Variants in FBXL13 observed in about 807,000 individuals in gnomAD.
FBXL13 encodes the protein F-box and leucine rich repeat protein 13, also known as F-box and leucine-rich repeat protein 13.
Under a neutral mutation model 83.6 loss-of-function variants are expected in FBXL13, and 67 were observed. The ratio of observed to expected loss-of-function variants is 0.80; its 90% CI spans 0.66 to 0.98. The LOEUF (loss-of-function observed/expected upper bound fraction) is 0.98. FBXL13 is among the 50% of genes least tolerant of loss of function. The probability of loss-of-function intolerance (pLI) is 0.00; values close to 1 mark genes in which losing one functional copy is unlikely to be tolerated. For synonymous variants in FBXL13, 272 were observed against 299.5 expected (o/e 0.91, Z 0.95); for missense variants, 822 against 866.5 (o/e 0.95, Z 0.64).
At chr7:103,007,122 A>G (rs2129486099) in intron 6 of FBXL13, among the ~76,000 whole-genome samples, 1 of 152,166 alleles carries the variant, frequency 6.6e-6, no homozygotes, top group Admixed American at 6.5e-5. Context: ...TCTAAGTTAT[A>G]TAATATTTGT....
At chr7:102,825,975 A>C (rs1426164118) in intron 18 of FBXL13, among the ~76,000 whole-genome samples, 2 of 152,238 alleles carry the variant, frequency 1.3e-5, no homozygotes, top group African/African-American at 4.8e-5. Flanking sequence ...ACCAGTGACT[A>C]GCATAAAGTA....
chr7:102,979,133 G>A (rs1442446130), intron 6 of FBXL13, among the ~76,000 whole-genome samples: 1 of 152,190 alleles, frequency 6.6e-6, no homozygotes, highest in Admixed American at 6.5e-5. Flanking sequence ...CTGACAAACA[G>A]TTAATTGCTC....
chr7:102,841,209 T>C (rs947132691), intron 17 of FBXL13, among the ~76,000 whole-genome samples: 3 of 151,980 alleles, frequency 2.0e-5, no homozygotes, highest in African/African-American at 7.2e-5. Flanking sequence ...TGATGTTTAT[T>C]TTCCCTTTTT....
intron 2 of FBXL13, chr7:103,055,117 C>T (rs1350814287): frequency 8.5e-6 from 11 of 1,288,126 alleles, no homozygotes; most frequent in African/African-American, 6.1e-5. Flanking sequence ...AAAAGTTGTT[C>T]CAGGTAAGTT....
At chr7:103,008,369 G>A (rs1197608039) in intron 6 of FBXL13, among the ~76,000 whole-genome samples, 1 of 152,082 alleles carries the variant, frequency 6.6e-6, no homozygotes, top group East Asian at 1.9e-4. Flanking sequence ...TGAATTGGGA[G>A]GATTTTGATG....
chr7:102,954,012 C>G (rs188179280), intron 8 of FBXL13, among the ~76,000 whole-genome samples: 1 of 152,180 alleles, frequency 6.6e-6, no homozygotes, highest in Non-Finnish European at 1.5e-5. Flanking sequence ...TCAACATGAT[C>G]GACGCAGAAG....
At chr7:102,951,865 G>A (rs1823476521) in intron 8 of FBXL13, among the ~76,000 whole-genome samples, 1 of 148,546 alleles carries the variant, frequency 6.7e-6, no homozygotes. Context: ...AGAAAATAGA[G>A]AATTAATAAA....
intron 17 of FBXL13, among the ~76,000 whole-genome samples, chr7:102,844,669 C>G (rs1803615956): frequency 6.6e-6 from 1 of 152,142 alleles, no homozygotes; most frequent in Non-Finnish European, 1.5e-5. Flanking sequence ...TATACACTGA[C>G]CAATTCTGTG....
In FBXL13 at chr7:102,967,251, C is replaced by T. The variant is rs561587546; in HGVS notation, c.591+771G>A. Among the ~76,000 whole-genome samples the T allele has an allele frequency of 7.5e-5, 10 of 133,314 alleles. No individual in the cohort carries two copies. In the East Asian group the frequency reaches 1.6e-3, roughly 22 times the overall value. 87.5% of individuals were successfully genotyped at this position (133,314 alleles called of 152,430 possible). A position where few individuals can be genotyped will look rare whatever the true frequency, so the allele number is the denominator to read the frequency against. The stretch of plus-strand genomic sequence containing the variant: ...TGGATTATAGGCGTGAGCTACTGCA[C>T]CCAGCCAATCCTCTCTTTCTTTTTT... On this transcript the variant is annotated intron_variant, in intron 7 of 19. Coordinates refer to ENST00000313221, the Ensembl canonical transcript of FBXL13.
chr7:102,905,955 G>A (rs557724303), intron 11 of FBXL13, among the ~76,000 whole-genome samples: 3 of 152,256 alleles, frequency 2.0e-5, no homozygotes, highest in South Asian at 4.1e-4. Context: ...AGACGTACCT[G>A]AGACTGGGAA....
At chr7:103,029,442 T>C in intron 2 of FBXL13, 24 bp from the exon 4 acceptor site, 1 of 1,300,514 alleles carries the variant, frequency 7.7e-7, no homozygotes, top group Non-Finnish European at 1.0e-6. Flanking sequence ...ATAATTGAAA[T>C]AACAAATATT....
intron 2 of FBXL13, chr7:103,050,005 G>A (rs767677546): frequency 4.6e-5 from 7 of 152,216 alleles, no homozygotes; most frequent in Non-Finnish European, 1.0e-4. Flanking sequence ...ACAAGGTCAA[G>A]CGCCTAAGCA....
chr7:103,040,164 G>A (rs575828597), intron 2 of FBXL13, among the ~76,000 whole-genome samples: 1 of 151,954 alleles, frequency 6.6e-6, no homozygotes, highest in South Asian at 2.1e-4. Context: ...AAAAAGCAGG[G>A]GTTGCAATCC....
chr7:103,020,645 C>T (rs1426804216), intron 6 of FBXL13, among the ~76,000 whole-genome samples: 1 of 152,130 alleles, frequency 6.6e-6, no homozygotes, highest in Non-Finnish European at 1.5e-5. Context: ...TCTCAGGATA[C>T]AAAATCAATG....
At chr7:102,977,101 C>T (rs1827581339) in intron 6 of FBXL13, among the ~76,000 whole-genome samples, 1 of 152,136 alleles carries the variant, frequency 6.6e-6, no homozygotes, top group African/African-American at 2.4e-5. Context: ...TAGGAGGAAG[C>T]CAAAGACGGC....
At chr7:102,828,441 CAT>C (rs1800103770) in intron 18 of FBXL13, among the ~76,000 whole-genome samples, 1 of 152,174 alleles carries the variant, frequency 6.6e-6, no homozygotes, top group Non-Finnish European at 1.5e-5. Context: ...AATTTCCAAA[CAT>C]GTTAGCCAGC....
intron 17 of FBXL13, among the ~76,000 whole-genome samples, chr7:102,835,461 C>T (rs1347327132): frequency 2.0e-5 from 3 of 152,150 alleles, no homozygotes; most frequent in African/African-American, 7.2e-5. Context: ...CTTTCATATC[C>T]CTTTCCCAAA....
At chr7:102,930,195 TAGC>T (rs1395305215) in intron 9 of FBXL13, among the ~76,000 whole-genome samples, 2 of 151,918 alleles carry the variant, frequency 1.3e-5, no homozygotes, top group Non-Finnish European at 2.9e-5. Flanking sequence ...GGCTGAGAGG[TAGC>T]AGGGAGGGGC....
chr7:103,061,069 T>G (rs766413666), intron 1 of FBXL13, among the ~76,000 whole-genome samples: 1 of 152,212 alleles, frequency 6.6e-6, no homozygotes, highest in Non-Finnish European at 1.5e-5. Flanking sequence ...TTTTAGAAAC[T>G]CTATAAATGA....
Sources: gnomAD v4.1 joint callset for allele counts (sites outside exome capture counted in the v4.1 genomes callset) on GRCh38, gnomAD v4.1.1 for gene constraint, MANE v1.5 for transcripts, NCBI Gene and HGNC (gene_info 2026-07-23, HGNC 2026-07-21) for gene names.